BBS9: variants seen among roughly 807,000 people sequenced by gnomAD.
BBS9 encodes Bardet-Biedl syndrome 9, also known as protein PTHB1.
A neutral mutation model predicts 117.7 loss-of-function variants in BBS9; 89 were observed. The observed-to-expected ratio is 0.76, with a 90% confidence interval of 0.64 to 0.90. The LOEUF (loss-of-function observed/expected upper bound fraction) is 0.90. BBS9 is among the 40% of genes least tolerant of loss of function. The pLI is 0.00. For synonymous variants in BBS9, 379 were observed against 370.9 expected (o/e 1.02, Z -0.25); for missense variants, 982 against 1,042.2 (o/e 0.94, Z 0.80).
intron 1 of BBS9, among the ~76,000 whole-genome samples, chr7:33,136,069 G>C (rs950143109): frequency 1.3e-5 from 2 of 152,038 alleles, no homozygotes; most frequent in African/African-American, 4.8e-5. Flanking sequence ...TATTACAGGT[G>C]CGCACCAGCA....
At chr7:33,610,397 C>T (rs1864795815), downstream of BBS9, among the ~76,000 whole-genome samples, 1 of 152,048 alleles carries the variant, frequency 6.6e-6, no homozygotes, top group African/African-American at 2.4e-5. Context: ...GATCAAGGCA[C>T]CAGAAGGTTT....
chr7:33,597,865 T>A (rs1286578769), intron 21 of BBS9, among the ~76,000 whole-genome samples: 1 of 142,390 alleles, frequency 7.0e-6, no homozygotes, highest in Non-Finnish European at 1.5e-5. Context: ...AGAAAGTGCA[T>A]GTATACCAAA....
chr7:33,344,526 C>T (rs1817239037), intron 11 of BBS9, 55 bp from the exon 12 acceptor site: 2 of 1,475,420 alleles, frequency 1.4e-6, no homozygotes, highest in South Asian at 1.1e-5. Flanking sequence ...TGTTCACTCA[C>T]TGCTGTGTAA....
At chr7:33,407,562 G>GT (rs1830268505) in intron 19 of BBS9, among the ~76,000 whole-genome samples, 1 of 152,084 alleles carries the variant, frequency 6.6e-6, no homozygotes, top group Non-Finnish European at 1.5e-5. Flanking sequence ...CATCTTTGTG[G>GT]TTTTATCTAC....
upstream of BBS9, chr7:33,129,479 G>C (rs1255861659): frequency 5.0e-6 from 1 of 200,260 alleles, no homozygotes; most frequent in African/African-American, 2.3e-5. Flanking sequence ...CCCCGCCTTT[G>C]CGCCTCAGCC....
At chr7:33,378,816 A>T (rs917400928) in intron 17 of BBS9, among the ~76,000 whole-genome samples, 5 of 152,146 alleles carry the variant, frequency 3.3e-5, no homozygotes, top group Non-Finnish European at 5.9e-5. Flanking sequence ...TAGCAGTTTC[A>T]CTGAGGTATT....
chr7:33,576,909 G>T (rs1172196486), intron 21 of BBS9, among the ~76,000 whole-genome samples: 2 of 152,100 alleles, frequency 1.3e-5, no homozygotes, highest in South Asian at 4.2e-4. Context: ...TAATTCAAGA[G>T]GGATTAAAGA....
intron 21 of BBS9, among the ~76,000 whole-genome samples, chr7:33,616,199 TAATAAAC>T (rs1865120844): frequency 8.1e-6 from 1 of 123,002 alleles, no homozygotes; most frequent in South Asian, 2.6e-4. Context: ...TTATTCAAAA[TAATAAAC>T]AATGTATTAA....
intron 21 of BBS9, among the ~76,000 whole-genome samples, chr7:33,569,118 A>G (rs999904977): frequency 6.6e-6 from 1 of 152,186 alleles, no homozygotes; most frequent in Non-Finnish European, 1.5e-5. Context: ...TTTATTGTGA[A>G]TTGATATTGA....
At chr7:33,564,539 TG>T (rs1312574828) in intron 21 of BBS9, among the ~76,000 whole-genome samples, 1 of 152,204 alleles carries the variant, frequency 6.6e-6, no homozygotes, top group East Asian at 1.9e-4. Context: ...ACCTAGCCCA[TG>T]GGAAATGTTC....
chr7:33,341,778 A>G (rs541727023), intron 11 of BBS9, among the ~76,000 whole-genome samples: 16 of 152,162 alleles, frequency 1.1e-4, no homozygotes, highest in Middle Eastern at 6.8e-3. Context: ...AATTAATACA[A>G]CTGAGAAATA....
At chr7:33,240,977 T>C (rs553623958) in intron 5 of BBS9, among the ~76,000 whole-genome samples, 1 of 152,142 alleles carries the variant, frequency 6.6e-6, no homozygotes, top group East Asian at 1.9e-4. Flanking sequence ...ATTAAGTAGA[T>C]AATGATTAAG....
intron 2 of BBS9, among the ~76,000 whole-genome samples, chr7:33,151,132 T>A (rs1173504239): frequency 6.6e-6 from 1 of 152,078 alleles, no homozygotes; most frequent in Non-Finnish European, 1.5e-5. Flanking sequence ...TATGCCTGTA[T>A]TCCCAGCCAC....
At chr7:33,246,363 T>C (rs997458918) in intron 5 of BBS9, among the ~76,000 whole-genome samples, 2 of 152,082 alleles carry the variant, frequency 1.3e-5, no homozygotes, top group African/African-American at 4.8e-5. Context: ...AAGGTTTTTT[T>C]CTTGTTTCTT....
rs193043768 is a variant in BBS9 at position 33,310,260 on chromosome 7, G to A, written c.1017-26181G>A. The stretch of plus-strand genomic sequence containing the variant: ...TGTCATTGTTTTTCTACATTTAATC[G>A]TCATGTAGTATTATTTTTTCTATCT... On this transcript the variant is annotated intron_variant, in intron 9 of 22. Coordinates refer to ENST00000242067, the MANE Select transcript of BBS9 (RefSeq NM_198428.3). 6.5e-3 allele frequency among the ~76,000 whole-genome samples: 982 copies of A among 151,948 alleles called. 6 individuals are homozygous for A. Among genetic ancestry groups the A allele is most frequent in the Non-Finnish European group, 0.01 (683 of 67,964 alleles).
intron 5 of BBS9, among the ~76,000 whole-genome samples, chr7:33,251,972 A>G (rs1437656830): frequency 6.6e-6 from 1 of 152,152 alleles, no homozygotes; most frequent in Non-Finnish European, 1.5e-5. Flanking sequence ...ATGACTGGTA[A>G]TTTATAATTG....
At chr7:33,422,209 T>G (rs1200370548) in intron 19 of BBS9, among the ~76,000 whole-genome samples, 1 of 152,196 alleles carries the variant, frequency 6.6e-6, no homozygotes, top group Non-Finnish European at 1.5e-5. Context: ...CAGTTATGTT[T>G]GTATGGTATG....
chr7:33,285,020 G>A (rs139027078), intron 9 of BBS9, among the ~76,000 whole-genome samples: 1 of 152,232 alleles, frequency 6.6e-6, no homozygotes, highest in East Asian at 1.9e-4. Context: ...TTATCTCTGA[G>A]TATATAATAT....
chr7:33,322,356 C>CTTT (rs35411730), intron 9 of BBS9, among the ~76,000 whole-genome samples: 45 of 74,148 alleles, frequency 6.1e-4, no homozygotes, highest in East Asian at 2.6e-3. Context: ...GGGTCTCAGG[C>CTTT]TTTTTTTTTT....
Sources: gnomAD v4.1 joint callset for allele counts (sites outside exome capture counted in the v4.1 genomes callset) on GRCh38, gnomAD v4.1.1 for gene constraint, MANE v1.5 for transcripts, NCBI Gene and HGNC (gene_info 2026-07-23, HGNC 2026-07-21) for gene names.